TMEM44: variants seen among roughly 807,000 people sequenced by gnomAD.
TMEM44 encodes the protein transmembrane protein 44.
A neutral mutation model predicts 47.8 loss-of-function variants in TMEM44; 43 were observed. That is an observed-to-expected ratio of 0.90 (90% CI 0.70 to 1.16). TMEM44 has a LOEUF of 1.16. Among genes scored for constraint, TMEM44 ranks in the 50% most tolerant of loss-of-function variants. TMEM44 has a pLI of 0.00. For synonymous variants in TMEM44, 277 were observed against 238.8 expected, an observed-to-expected ratio of 1.16 and a Z score of -1.48; for missense variants, 568 against 555.2, an observed-to-expected ratio of 1.02 and a Z score of -0.23.
intron 9 of TMEM44, among the ~76,000 whole-genome samples, chr3:194,601,661 TG>T (rs1302098304): frequency 1.3e-5 from 2 of 151,960 alleles, no homozygotes. Context: ...TTCGCCAGGC[TG>T]GTCTCAAACT....
At chr3:194,622,092 T>C (rs1329545673) in intron 5 of TMEM44, among the ~76,000 whole-genome samples, 3 of 152,214 alleles carry the variant, frequency 2.0e-5, no homozygotes, top group Admixed American at 1.3e-4. Flanking sequence ...ACAGGAACAG[T>C]TGTCTCAGAG....
chr3:194,626,105 C>G (rs533726730), intron 2 of TMEM44, 115 bp from the exon 3 acceptor site: 1 of 757,860 alleles, frequency 1.3e-6, no homozygotes, highest in South Asian at 1.6e-5. Context: ...TGCTTTCTTA[C>G]GTACTCCTCC....
At chr3:194,605,587 G>A (rs545551790) in intron 8 of TMEM44, among the ~76,000 whole-genome samples, 3 of 152,258 alleles carry the variant, frequency 2.0e-5, no homozygotes, top group Admixed American at 6.5e-5. Context: ...ATCAGATCTC[G>A]TGAGACTAAT....
chr3:194,607,172 C>A (rs553362095), intron 8 of TMEM44, among the ~76,000 whole-genome samples: 4 of 152,106 alleles, frequency 2.6e-5, no homozygotes, highest in Non-Finnish European at 5.9e-5. Flanking sequence ...TCTGCAAGAA[C>A]TGCTTGTTAG....
intron 3 of TMEM44, among the ~76,000 whole-genome samples, chr3:194,624,455 G>A (rs974421362): frequency 6.6e-6 from 1 of 152,098 alleles, no homozygotes; most frequent in African/African-American, 2.4e-5. Flanking sequence ...GGGTCTCGCT[G>A]TCACCCAGGC....
chr3:194,615,097 C>T (rs1186208721), intron 7 of TMEM44, among the ~76,000 whole-genome samples: 7 of 152,002 alleles, frequency 4.6e-5, no homozygotes, highest in Non-Finnish European at 1.0e-4. Flanking sequence ...AAAATATTAG[C>T]CGGGCGTGGT....
intron 1 of TMEM44, 129 bp from the exon 2 acceptor site, chr3:194,628,638 T>G (rs1204728904): frequency 3.4e-6 from 4 of 1,163,930 alleles, no homozygotes; most frequent in Non-Finnish European, 3.5e-6. Context: ...TTAGGACGTG[T>G]TTTTGAACTG....
intron 8 of TMEM44, among the ~76,000 whole-genome samples, chr3:194,610,625 T>C (rs914523465): frequency 2.6e-5 from 4 of 152,148 alleles, no homozygotes; most frequent in Non-Finnish European, 5.9e-5. Context: ...ATATGGTATA[T>C]ACGCCTCCAT....
At chr3:194,628,604 G>C (rs1717433644) in intron 1 of TMEM44, 95 bp from the exon 2 acceptor site, 2 of 1,427,512 alleles carry the variant, frequency 1.4e-6, no homozygotes, top group Non-Finnish European at 1.9e-6. Context: ...CGCATCGTCA[G>C]GGAGCTCTTT....
At chr3:194,623,160 G>T in intron 5 of TMEM44, 64 bp downstream of exon 5, 2 of 1,496,250 alleles carry the variant, frequency 1.3e-6, no homozygotes, top group Non-Finnish European at 1.8e-6. Flanking sequence ...ACCCTCTCAG[G>T]ATGCTCCCAG....
intron 9 of TMEM44, among the ~76,000 whole-genome samples, chr3:194,591,121 G>A (rs1260037165): frequency 6.6e-6 from 1 of 152,102 alleles, no homozygotes; most frequent in Non-Finnish European, 1.5e-5. Context: ...TTGAACCTGG[G>A]AGGCAGAGGT....
intron 3 of TMEM44, among the ~76,000 whole-genome samples, chr3:194,625,520 C>T (rs1328307684): frequency 2.0e-5 from 3 of 151,480 alleles, no homozygotes; most frequent in African/African-American, 4.8e-5. Flanking sequence ...CTTGCTCTGT[C>T]GCCAGGCTGG....
Position 194,633,261 on chromosome 3 carries a change from C to T in TMEM44, c.-46G>A. On this transcript the variant is annotated 5_prime_UTR_variant, in exon 1 of 10. Coordinates refer to ENST00000347147, the MANE Select transcript of TMEM44 (RefSeq NM_001011655.3). ...GCGGGGCCGGGGACCTGGGCGCAGCCTCCCTCGCCGCGGGCAAGCCCCGAG... is the reference window on the plus strand; with the variant it reads ...GCGGGGCCGGGGACCTGGGCGCAGCTTCCCTCGCCGCGGGCAAGCCCCGAG... 9.4e-7 allele frequency: 1 copy of T among 1,064,040 alleles called. No homozygotes were observed. Among genetic ancestry groups the T allele is most frequent in the Non-Finnish European group, 1.2e-6 (1 of 861,278 alleles). The allele number at this position is 1,064,040 out of a possible 1,614,324, so 65.9% of individuals were successfully genotyped here. A position where few individuals can be genotyped will look rare whatever the true frequency, so the allele number is the denominator to read the frequency against.
intron 2 of TMEM44, among the ~76,000 whole-genome samples, chr3:194,626,408 A>G (rs1717184681): frequency 6.6e-6 from 1 of 152,218 alleles, no homozygotes; most frequent in Admixed American, 6.5e-5. Context: ...GAGACAGTAC[A>G]TGGGCAGTGT....
At chr3:194,612,021 AAAAT>A (rs10578893) in intron 7 of TMEM44, among the ~76,000 whole-genome samples, 14,293 of 146,562 alleles carry the variant, frequency 0.098, 1,008 homozygotes, top group South Asian at 0.21. Context: ...CTCCGTCTCA[AAAAT>A]AAATAAATAA....
intron 9 of TMEM44, among the ~76,000 whole-genome samples, chr3:194,596,210 T>G (rs1713391049): frequency 6.6e-6 from 1 of 151,512 alleles, no homozygotes; most frequent in African/African-American, 2.4e-5. Context: ...TGGGGTCGAG[T>G]GTTGGAAAAT....
At chr3:194,628,272 G>A in intron 2 of TMEM44, 111 bp downstream of exon 2, 1 of 1,413,954 alleles carries the variant, frequency 7.1e-7, no homozygotes, top group Non-Finnish European at 9.5e-7. Context: ...GTGACACTGT[G>A]CTATGCATGT....
At chr3:194,604,746 AAC>A in intron 8 of TMEM44, among the ~76,000 whole-genome samples, 1 of 152,304 alleles carries the variant, frequency 6.6e-6, no homozygotes, top group South Asian at 2.1e-4. Flanking sequence ...TTTTTCACCT[AAC>A]ACTATGCCTT....
intron 9 of TMEM44, among the ~76,000 whole-genome samples, chr3:194,594,741 G>A (rs1295112782): frequency 2.6e-5 from 4 of 152,014 alleles, no homozygotes; most frequent in Non-Finnish European, 5.9e-5. Context: ...TTAACTTAGC[G>A]AAAAAGTTTA....
Sources: allele counts gnomAD v4.1 joint callset (sites outside exome capture counted in the v4.1 genomes callset), GRCh38; gene constraint gnomAD v4.1.1; transcripts MANE v1.5; gene names NCBI Gene and HGNC (gene_info 2026-07-23, HGNC 2026-07-21).